C2CD3: variants seen among roughly 807,000 people sequenced by gnomAD.
C2CD3 encodes the protein C2 domain containing 3 centriole elongation regulator, also known as C2 domain-containing protein 3.
In C2CD3, 148 loss-of-function variants were observed where a neutral mutation model predicts 234.0. The observed-to-expected ratio is 0.63, with a 90% confidence interval of 0.55 to 0.72. The LOEUF is 0.72. Among genes scored for constraint, C2CD3 ranks in the 30% least tolerant of loss-of-function variants. The pLI, the probability that C2CD3 is intolerant of heterozygous loss-of-function variation, is 0.00. For missense variants in C2CD3, 2,577 were observed against 2,811.5 expected, an observed-to-expected ratio of 0.92 and a Z score of 1.89; for synonymous variants, 1,000 against 1,035.4, an observed-to-expected ratio of 0.97 and a Z score of 0.66.
chr11:74,017,219 TG>T lies in C2CD3; in HGVS notation c.6922-3695del, dbSNP rs199707046. 1.8e-4 allele frequency among the ~76,000 whole-genome samples: 28 copies of T among 152,306 alleles called. No homozygotes were observed. In the East Asian group the frequency reaches 5.2e-3, roughly 28 times the overall value. On this transcript the variant is annotated intron_variant, in intron 32 of 32. Coordinates refer to ENST00000334126, the MANE Select transcript of C2CD3 (RefSeq NM_001286577.2). ...TTATTCTTCTTGGACTTCAGCGAGC[TG>T]ATCTGTAAGGGCCTTCCCAGGGAAC... is the stretch of plus-strand genomic sequence containing the variant.
intron 25 of C2CD3, among the ~76,000 whole-genome samples, chr11:74,056,889 C>G (rs1252801973): frequency 6.8e-6 from 1 of 146,884 alleles, no homozygotes; most frequent in African/African-American, 2.6e-5. Flanking sequence ...CTTCTTATTT[C>G]TCTTTATTGT....
chr11:74,062,082 AAT>A (rs1954277269), intron 24 of C2CD3, among the ~76,000 whole-genome samples: 1 of 152,196 alleles, frequency 6.6e-6, no homozygotes, highest in Non-Finnish European at 1.5e-5. Context: ...AACTATCCTA[AAT>A]ATATATGCAC....
At chr11:74,157,897 G>C (rs1192817275) in intron 3 of C2CD3, among the ~76,000 whole-genome samples, 1 of 152,224 alleles carries the variant, frequency 6.6e-6, no homozygotes, top group African/African-American at 2.4e-5. Flanking sequence ...TCTTATCTCT[G>C]TATATCCCAA....
At chr11:74,116,776 G>A (rs185960388) in intron 9 of C2CD3, among the ~76,000 whole-genome samples, 2 of 147,362 alleles carry the variant, frequency 1.4e-5, no homozygotes, top group East Asian at 2.2e-4. Flanking sequence ...ATACATATAT[G>A]TGTGTATATA....
rs77788700 is a variant in C2CD3 at position 74,038,073 on chromosome 11, T to C, written c.5661-375A>G. 1.4e-3 allele frequency among the ~76,000 whole-genome samples: 209 copies of C among 152,362 alleles called. 3 individuals carry two copies. The highest frequency in any genetic ancestry group is 4.3e-3 in the African/African-American group (177 of 41,590). On this transcript the variant is annotated intron_variant, in intron 29 of 32. Transcript: ENST00000334126. ...TCCTTTGCTACCTCATAACCATTCC[T>C]GATCCTTCAGGCAAGCAACTTCTAA...
intron 24 of C2CD3, among the ~76,000 whole-genome samples, chr11:74,064,731 C>T (rs1480578544): frequency 3.3e-5 from 5 of 152,118 alleles, no homozygotes; most frequent in South Asian, 2.1e-4. Context: ...GAGATATAGA[C>T]CAATGGAACA....
In C2CD3 at chr11:74,098,275, G is replaced by C; in HGVS notation, c.2733-20C>G. On this transcript the variant is annotated intron_variant, in intron 15 of 32. Transcript: ENST00000334126. Reference sequence around the variant, plus strand: ...GCATCTCTAGAGGGGGAGAAATTGTGAATAAGCAAATAACAAGCATCAATC... The same window carrying C: ...GCATCTCTAGAGGGGGAGAAATTGTCAATAAGCAAATAACAAGCATCAATC... 6.2e-7 allele frequency: 1 copy of C among 1,608,732 alleles called. No homozygotes were observed. Among genetic ancestry groups the C allele is most frequent in the Non-Finnish European group, 8.5e-7 (1 of 1,176,332 alleles).
At chr11:74,053,894 ATTG>A (rs1953820944) in intron 26 of C2CD3, among the ~76,000 whole-genome samples, 1 of 122,162 alleles carries the variant, frequency 8.2e-6, no homozygotes, top group African/African-American at 6.8e-5. Context: ...GAGGCAGGAG[ATTG>A]CGGCAGGAGA....
chr11:74,062,269 C>T lies in C2CD3; in HGVS notation c.4952-4725G>A, dbSNP rs574574718. On this transcript the variant is annotated intron_variant, in intron 24 of 32. Transcript: ENST00000334126. ...GAATTGAACTCAGCTCTGCACCAAG[C>T]GGACCTAATAGACAGCTACAGAACT... 3.0e-3 allele frequency among the ~76,000 whole-genome samples: 450 copies of T among 152,238 alleles called. 1 individual carries two copies. Among genetic ancestry groups the T allele is most frequent in the Non-Finnish European group, 4.7e-3 (323 of 68,018 alleles).
rs75750984 is a variant in C2CD3 at position 74,115,319 on chromosome 11, C to T, written c.1521-726G>A. Among the ~76,000 whole-genome samples, 666 of 151,794 alleles carry T rather than the reference C, an allele frequency of 4.4e-3. 3 individuals carry two copies. The highest frequency in any genetic ancestry group is 0.016 in the African/African-American group (643 of 41,406). Reference sequence around the variant, plus strand: ...CATATGAGTACAGAAACTGAAACTCCAAATTTAGGTTTTTCTAGAAGGGAC... The same window carrying T: ...CATATGAGTACAGAAACTGAAACTCTAAATTTAGGTTTTTCTAGAAGGGAC... On this transcript the variant is annotated intron_variant, in intron 9 of 32. Coordinates refer to ENST00000334126, the MANE Select transcript of C2CD3 (RefSeq NM_001286577.2).
chr11:74,013,314 C>T lies in C2CD3; in HGVS notation c.*71G>A. The T allele has an allele frequency of 4.1e-6, 2 of 490,964 alleles. No homozygotes were observed. Among genetic ancestry groups the T allele is most frequent in the Non-Finnish European group, 7.0e-6 (2 of 287,632 alleles). The allele number at this position is 490,964 out of a possible 1,614,324, so 30.4% of individuals were successfully genotyped here. On this transcript the variant is annotated 3_prime_UTR_variant, in exon 33 of 33. Coordinates refer to ENST00000334126, the MANE Select transcript of C2CD3 (RefSeq NM_001286577.2). ...AGCCCTGAAGGAGCCAGACCTGGTGCCTCCTGCAAGCTGGACAAAGCTGAC... is the reference window on the plus strand; with the variant it reads ...AGCCCTGAAGGAGCCAGACCTGGTGTCTCCTGCAAGCTGGACAAAGCTGAC...
chr11:74,113,878 T>G lies in C2CD3; in HGVS notation c.1745A>C (p.Glu582Ala). Reference sequence around the variant, plus strand: ...CGAAAAGCCCACAGGAAAGTGATATTCTACAAAGAAAGTGCTAAAAAGAAA... The same window carrying G: ...CGAAAAGCCCACAGGAAAGTGATATGCTACAAAGAAAGTGCTAAAAAGAAA... The part of the protein sequence containing the change: ...TTAKKRTFFV[E>A]YHFPVGFSES... Residue 582 changes from glutamate (E) to alanine (A), a missense_variant, in exon 11 of 33, where the codon GAA becomes GCA. Coordinates refer to ENST00000334126, the MANE Select transcript of C2CD3 (RefSeq NM_001286577.2). 6.3e-7 allele frequency: 1 copy of G among 1,585,254 alleles called. No individual in the cohort carries two copies. Among genetic ancestry groups the G allele is most frequent in the Non-Finnish European group, 8.5e-7 (1 of 1,169,856 alleles).
intron 3 of C2CD3, among the ~76,000 whole-genome samples, chr11:74,160,815 C>T (rs1350113852): frequency 6.6e-6 from 1 of 152,142 alleles, no homozygotes; most frequent in Admixed American, 6.5e-5. Context: ...TTGATCCTTA[C>T]ACAATGTATA....
intron 22 of C2CD3, among the ~76,000 whole-genome samples, chr11:74,081,453 G>T (rs1256559247): frequency 6.6e-6 from 1 of 152,094 alleles, no homozygotes. Context: ...TGTGGTTTTG[G>T]CAAACCACTT....
chr11:74,122,866 A>T, intron 8 of C2CD3, 122 bp downstream of exon 8: 3 of 675,048 alleles, frequency 4.4e-6, no homozygotes. Context: ...TTTCCTCTTG[A>T]GGTTGTCATT....
chr11:74,075,593 CTGAA>C (rs1955000805), intron 23 of C2CD3, among the ~76,000 whole-genome samples: 5 of 152,152 alleles, frequency 3.3e-5, no homozygotes, highest in Admixed American at 3.3e-4. Flanking sequence ...ATAGTTCCTT[CTGAA>C]TCTCAAAGTT....
chr11:74,061,840 G>C (rs1954263845), intron 24 of C2CD3, among the ~76,000 whole-genome samples: 1 of 152,084 alleles, frequency 6.6e-6, no homozygotes, highest in African/African-American at 2.4e-5. Flanking sequence ...AAATTGGATA[G>C]AGTCAAGACC....
At chr11:74,136,196 T>C (rs1012496396) in intron 5 of C2CD3, among the ~76,000 whole-genome samples, 2 of 152,202 alleles carry the variant, frequency 1.3e-5, no homozygotes, top group Non-Finnish European at 2.9e-5. Flanking sequence ...ATCAGAAGGT[T>C]ATCCAGCCCA....
At chr11:74,158,045 C>T (rs1856154864) in intron 3 of C2CD3, among the ~76,000 whole-genome samples, 1 of 152,146 alleles carries the variant, frequency 6.6e-6, no homozygotes, top group African/African-American at 2.4e-5. Context: ...TAAAAGTGGA[C>T]TAGACTTAAA....
Sources: gnomAD v4.1 joint callset for allele counts (sites outside exome capture counted in the v4.1 genomes callset) on GRCh38, gnomAD v4.1.1 for gene constraint, MANE v1.5 for transcripts, NCBI Gene and HGNC (gene_info 2026-07-23, HGNC 2026-07-21) for gene names.